Variants in RARB observed in about 807,000 individuals in gnomAD.
RARB encodes the protein HBV-activated protein.
In RARB, 17 loss-of-function variants were observed where a neutral mutation model predicts 51.9. The observed-to-expected ratio is 0.33, with a 90% CI of 0.22 to 0.49. RARB has a LOEUF of 0.49. Among genes scored for constraint, RARB ranks in the 20% least tolerant of loss-of-function variants. The probability of loss-of-function intolerance (pLI) is 0.99; values close to 1 mark genes in which losing one functional copy is unlikely to be tolerated. For missense variants in RARB, 369 were observed against 550.8 expected, an observed-to-expected ratio of 0.67 and a Z score of 3.30; for synonymous variants, 215 against 195.4, an observed-to-expected ratio of 1.10 and a Z score of -0.84.
At chr3:24,992,097 C>G (rs1696925396) in intron 2 of RARB, among the ~76,000 whole-genome samples, 1 of 152,192 alleles carries the variant, frequency 6.6e-6, no homozygotes, top group Non-Finnish European at 1.5e-5. Context: ...TCTGGGTTAC[C>G]TTGACTTGCT....
chr3:24,895,471 A>C (rs1703458919), intron 2 of RARB, among the ~76,000 whole-genome samples: 1 of 152,228 alleles, frequency 6.6e-6, no homozygotes, highest in African/African-American at 2.4e-5. Flanking sequence ...CACAAGCCAC[A>C]CATTGAACAA....
chr3:25,046,264 T>A (rs1698211517), intron 2 of RARB, among the ~76,000 whole-genome samples: 1 of 152,192 alleles, frequency 6.6e-6, no homozygotes, highest in Non-Finnish European at 1.5e-5. Context: ...TTCTTGCATA[T>A]GCCTTTGAAA....
chr3:25,112,394 T>C (rs1176617401), intron 3 of RARB, among the ~76,000 whole-genome samples: 2 of 152,176 alleles, frequency 1.3e-5, no homozygotes, highest in African/African-American at 4.8e-5. Context: ...ATTTAAAATT[T>C]GATATAAAAT....
intron 2 of RARB, among the ~76,000 whole-genome samples, chr3:25,486,614 A>G (rs919954704): frequency 6.6e-6 from 1 of 152,148 alleles, no homozygotes; most frequent in Non-Finnish European, 1.5e-5. Context: ...CATCAGAACA[A>G]TTCTATAGTC....
At chr3:24,973,156 T>C (rs780268162) in intron 2 of RARB, among the ~76,000 whole-genome samples, 16 of 152,006 alleles carry the variant, frequency 1.1e-4, no homozygotes, top group Non-Finnish European at 1.9e-4. Context: ...TTTTTGTGTA[T>C]AGTGAGAGAT....
chr3:25,289,871 G>A (rs189784259), intron 5 of RARB, among the ~76,000 whole-genome samples: 91 of 152,196 alleles, frequency 6.0e-4, no homozygotes, highest in Admixed American at 9.8e-4. Context: ...GTTCTTAACC[G>A]GAGACCCTAA....
chr3:25,539,126 C>T (rs1699261004), intron 3 of RARB, among the ~76,000 whole-genome samples: 1 of 152,214 alleles, frequency 6.6e-6, no homozygotes, highest in African/African-American at 2.4e-5. Flanking sequence ...GGCCAGTTGC[C>T]TGTGCTTTCC....
At chr3:25,025,110 A>G (rs1179159349) in intron 2 of RARB, 1 of 152,212 alleles carries the variant, frequency 6.6e-6, no homozygotes, top group Non-Finnish European at 1.5e-5. Context: ...GGTTAGAGAA[A>G]TCCATGTCTG....
At chr3:25,443,431 G>C (rs1441649693) in intron 1 of RARB, among the ~76,000 whole-genome samples, 1 of 145,168 alleles carries the variant, frequency 6.9e-6, no homozygotes, top group African/African-American at 2.6e-5. Flanking sequence ...CTTTTTTTTT[G>C]GCCTATCCCT....
intron 3 of RARB, among the ~76,000 whole-genome samples, chr3:25,545,748 C>T (rs1575505533): frequency 6.6e-6 from 1 of 152,288 alleles, no homozygotes; most frequent in East Asian, 1.9e-4. Flanking sequence ...GCCTCCCTTC[C>T]AGATCCTTCA....
intron 2 of RARB, among the ~76,000 whole-genome samples, chr3:25,005,774 C>T (rs1291188559): frequency 6.6e-6 from 1 of 152,048 alleles, no homozygotes; most frequent in Non-Finnish European, 1.5e-5. Context: ...TGGTCTTGTC[C>T]CCACCCAGCC....
intron 2 of RARB, among the ~76,000 whole-genome samples, chr3:24,905,028 G>A (rs563899908): frequency 3.9e-5 from 6 of 152,286 alleles, no homozygotes; most frequent in East Asian, 3.9e-4. Context: ...GGAAAAACAC[G>A]TCATGTAGAT....
intron 2 of RARB, among the ~76,000 whole-genome samples, chr3:25,500,786 TC>T (rs1697273902): frequency 6.6e-6 from 1 of 152,070 alleles, no homozygotes. Context: ...GCCAGTAATT[TC>T]TTTTATTGGG....
At chr3:25,334,784 A>G (rs1705016485) in intron 5 of RARB, among the ~76,000 whole-genome samples, 1 of 152,146 alleles carries the variant, frequency 6.6e-6, no homozygotes, top group Non-Finnish European at 1.5e-5. Context: ...TGTGTTGGGA[A>G]TTTTCTTAAA....
chr3:25,425,008 C>A (rs1303901248), upstream of RARB, among the ~76,000 whole-genome samples: 3 of 152,190 alleles, frequency 2.0e-5, no homozygotes, highest in African/African-American at 7.2e-5. Context: ...GGATTTTACT[C>A]TCAAAGTTTT....
intron 5 of RARB, among the ~76,000 whole-genome samples, chr3:25,184,709 A>G (rs1389090326): frequency 4.6e-5 from 7 of 152,068 alleles, no homozygotes; most frequent in Non-Finnish European, 1.0e-4. Context: ...TGATACATGT[A>G]AGCTACTTAT....
intron 3 of RARB, among the ~76,000 whole-genome samples, chr3:25,503,993 C>T (rs892205019): frequency 6.6e-6 from 1 of 152,172 alleles, no homozygotes; most frequent in Non-Finnish European, 1.5e-5. Context: ...CACCTCTCCT[C>T]CCCATGCCTT....
chr3:25,007,257 C>T (rs1007297641), intron 2 of RARB, among the ~76,000 whole-genome samples: 3 of 152,288 alleles, frequency 2.0e-5, no homozygotes, highest in East Asian at 1.9e-4. Context: ...TTGCCCAAGT[C>T]AGTGGACATC....
At chr3:25,130,996 TTTATTTA>T (rs60024816) in intron 3 of RARB, among the ~76,000 whole-genome samples, 1 of 29,646 alleles carries the variant, frequency 3.4e-5, no homozygotes, top group Admixed American at 5.5e-4. Flanking sequence ...ATTATCAATA[TTTATTTA>T]TTATTTATCA....
Sources: gnomAD v4.1 joint callset for allele counts (sites outside exome capture counted in the v4.1 genomes callset) on GRCh38, gnomAD v4.1.1 for gene constraint, MANE v1.5 for transcripts, NCBI Gene and HGNC (gene_info 2026-07-23, HGNC 2026-07-21) for gene names.